CNTN5: variants seen among roughly 807,000 people sequenced by gnomAD.
CNTN5 encodes the protein contactin-5.
CNTN5 carries 77 observed loss-of-function variants against 129.1 expected under a neutral mutation model. The observed-to-expected ratio is 0.60, with a 90% CI of 0.50 to 0.72. The LOEUF is 0.72. CNTN5 is among the 30% of genes least tolerant of loss of function. The pLI, the probability that CNTN5 is intolerant of heterozygous loss-of-function variation, is 0.00. For missense variants in CNTN5, 1,478 were observed against 1,328.8 expected, an observed-to-expected ratio of 1.11 and a Z score of -1.75; for synonymous variants, 509 against 465.6, an observed-to-expected ratio of 1.09 and a Z score of -1.20.
At chr11:99,912,175 A>C (rs1949677866) in intron 6 of CNTN5, among the ~76,000 whole-genome samples, 1 of 152,004 alleles carries the variant, frequency 6.6e-6, no homozygotes, top group Non-Finnish European at 1.5e-5. Context: ...AGAGGAAGGA[A>C]GGGAGGGAAA....
intron 1 of CNTN5, among the ~76,000 whole-genome samples, chr11:99,318,048 TG>T (rs1865418774): frequency 2.6e-5 from 4 of 152,166 alleles, no homozygotes; most frequent in Admixed American, 2.6e-4. Context: ...TTGTCTTTAA[TG>T]ACATTTCAAA....
intron 2 of CNTN5, among the ~76,000 whole-genome samples, chr11:99,542,673 TC>T (rs1192345261): frequency 6.6e-6 from 1 of 152,104 alleles, no homozygotes; most frequent in African/African-American, 2.4e-5. Flanking sequence ...GAGGGCAAAA[TC>T]ACCTCTGGTG....
At chr11:99,195,976 A>C (rs961785570) in intron 1 of CNTN5, among the ~76,000 whole-genome samples, 6 of 151,984 alleles carry the variant, frequency 3.9e-5, no homozygotes, top group African/African-American at 1.2e-4. Context: ...TAGTTATTTA[A>C]AGAAATTCTG....
intron 13 of CNTN5, among the ~76,000 whole-genome samples, chr11:100,108,929 C>A (rs913361964): frequency 1.3e-5 from 2 of 151,972 alleles, no homozygotes; most frequent in African/African-American, 4.8e-5. Context: ...AAATTATCGT[C>A]TTGAGAGCTG....
intron 1 of CNTN5, among the ~76,000 whole-genome samples, chr11:99,235,626 A>G (rs2135741645): frequency 6.6e-6 from 1 of 152,312 alleles, no homozygotes; most frequent in South Asian, 2.1e-4. Flanking sequence ...AGTCATCAAT[A>G]TAATATAGTC....
chr11:99,413,635 CAAAACAAAAACAAA>C (rs1294865960), intron 2 of CNTN5, among the ~76,000 whole-genome samples: 4 of 151,598 alleles, frequency 2.6e-5, no homozygotes, highest in Non-Finnish European at 5.9e-5. Flanking sequence ...CAAAACAAAA[CAAAACAAAAACAAA>C]AAAACAAAAA....
chr11:99,127,823 C>G (rs1372678580), intron 1 of CNTN5, among the ~76,000 whole-genome samples: 3 of 152,174 alleles, frequency 2.0e-5, no homozygotes, highest in Non-Finnish European at 4.4e-5. Flanking sequence ...TGGTATCCTC[C>G]ATTAACGTCT....
intron 3 of CNTN5, among the ~76,000 whole-genome samples, chr11:99,793,829 A>G (rs1193728350): frequency 6.6e-6 from 1 of 152,106 alleles, no homozygotes; most frequent in East Asian, 1.9e-4. Context: ...ATTGTTTATG[A>G]ATTATTTTTG....
chr11:99,146,544 T>C (rs1230680208), intron 1 of CNTN5, among the ~76,000 whole-genome samples: 1 of 152,166 alleles, frequency 6.6e-6, no homozygotes, highest in African/African-American at 2.4e-5. Flanking sequence ...TAATATTTTA[T>C]AGCAATTCAG....
intron 6 of CNTN5, among the ~76,000 whole-genome samples, chr11:99,909,455 T>C (rs1479818488): frequency 6.6e-6 from 1 of 152,114 alleles, no homozygotes; most frequent in East Asian, 1.9e-4. Flanking sequence ...ACCATCCCAT[T>C]ACTGGGTATA....
chr11:99,237,010 T>C (rs1861304694), intron 1 of CNTN5, among the ~76,000 whole-genome samples: 1 of 152,124 alleles, frequency 6.6e-6, no homozygotes, highest in Admixed American at 6.6e-5. Context: ...TTATGTATTA[T>C]CACAATATTT....
At chr11:99,878,684 C>T (rs1186401083) in intron 6 of CNTN5, among the ~76,000 whole-genome samples, 3 of 151,874 alleles carry the variant, frequency 2.0e-5, no homozygotes, top group East Asian at 2.0e-4. Context: ...GGTGAAACCC[C>T]GTCTCTACTA....
At chr11:99,897,620 C>T (rs1282231981) in intron 6 of CNTN5, among the ~76,000 whole-genome samples, 1 of 152,104 alleles carries the variant, frequency 6.6e-6, no homozygotes, top group African/African-American at 2.4e-5. Flanking sequence ...ACCACTAGAC[C>T]AGTCCTACAA....
chr11:99,966,815 GTTGAC>G (rs980392707), intron 8 of CNTN5, among the ~76,000 whole-genome samples: 16 of 152,214 alleles, frequency 1.1e-4, no homozygotes, highest in Admixed American at 9.8e-4. Flanking sequence ...AACAAAAAAA[GTTGAC>G]TTTCTGTTAT....
chr11:100,001,127 C>G (rs140676926), intron 8 of CNTN5, among the ~76,000 whole-genome samples: 1 of 152,116 alleles, frequency 6.6e-6, no homozygotes, highest in African/African-American at 2.4e-5. Context: ...TTTCTGCAGC[C>G]GGGTTTAATT....
chr11:100,056,523 A>G (rs1292601276), intron 9 of CNTN5, among the ~76,000 whole-genome samples: 1 of 151,808 alleles, frequency 6.6e-6, no homozygotes, highest in African/African-American at 2.4e-5. Context: ...AAAATTAGAA[A>G]GAGGGCCATT....
chr11:100,341,685 G>T (rs1297229100), intron 23 of CNTN5, among the ~76,000 whole-genome samples: 1 of 152,152 alleles, frequency 6.6e-6, no homozygotes, highest in Non-Finnish European at 1.5e-5. Flanking sequence ...CCAAAACAGA[G>T]CCAACATTCA....
intron 1 of CNTN5, among the ~76,000 whole-genome samples, chr11:99,210,239 A>C (rs1236346618): frequency 6.6e-6 from 1 of 152,140 alleles, no homozygotes; most frequent in Non-Finnish European, 1.5e-5. Flanking sequence ...GAGAATCCCC[A>C]TTCCCGTCTT....
chr11:100,257,636 C>G (rs1408601557), intron 17 of CNTN5, among the ~76,000 whole-genome samples: 1 of 152,078 alleles, frequency 6.6e-6, no homozygotes, highest in African/African-American at 2.4e-5. Context: ...CTGGTGATAC[C>G]CAGGCAAAAT....
Sources: allele counts gnomAD v4.1 joint callset (sites outside exome capture counted in the v4.1 genomes callset), GRCh38; gene constraint gnomAD v4.1.1; transcripts MANE v1.5; gene names NCBI Gene and HGNC (gene_info 2026-07-23, HGNC 2026-07-21).